SERINC1: variants seen among roughly 807,000 people sequenced by gnomAD.
SERINC1 encodes the protein serine incorporator 1, also known as tumor differentially expressed protein 2.
Under a neutral mutation model 52.9 loss-of-function variants are expected in SERINC1, and 38 were observed. The observed-to-expected ratio is 0.72, with a 90% CI of 0.55 to 0.94. SERINC1 has a LOEUF of 0.94. Ranked by LOEUF, SERINC1 falls within the 40% of genes least tolerant of loss-of-function variation. The pLI is 0.00. For synonymous variants in SERINC1, 198 were observed against 183.1 expected, an observed-to-expected ratio of 1.08 and a Z score of -0.66; for missense variants, 471 against 533.9, an observed-to-expected ratio of 0.88 and a Z score of 1.16.
Position 122,444,104 on chromosome 6 carries a change from C to G in SERINC1, c.*940G>C. On this transcript the variant is annotated 3_prime_UTR_variant, in exon 10 of 10. Coordinates refer to ENST00000339697, the MANE Select transcript of SERINC1 (RefSeq NM_020755.4). ...CTGCCTCCTGGGCTCAAGCAATCCT[C>G]CCACCTCAGCCTCCTCAGTAGCTGG... 6.6e-6 allele frequency: 1 copy of G among 152,650 alleles called. No individual in the cohort carries two copies. The highest frequency in any genetic ancestry group is 1.5e-5 in the Non-Finnish European group (1 of 68,358). The allele number at this position is 152,650 out of a possible 1,614,324, so 9.5% of individuals were successfully genotyped here.
intron 5 of SERINC1, 42 bp downstream of exon 5, chr6:122,453,728 A>G: frequency 6.6e-7 from 1 of 1,516,136 alleles, no homozygotes; most frequent in Non-Finnish European, 8.9e-7. Flanking sequence ...TCTCGACTTC[A>G]AAGTTCAACT....
At chr6:122,464,491 A>G (rs1775154611) in intron 1 of SERINC1, among the ~76,000 whole-genome samples, 1 of 152,190 alleles carries the variant, frequency 6.6e-6, no homozygotes, top group Non-Finnish European at 1.5e-5. Context: ...CTACTCAGGC[A>G]GAGGAAACAA....
At chr6:122,446,253 T>TA (rs968657712) in intron 9 of SERINC1, among the ~76,000 whole-genome samples, 29 of 148,498 alleles carry the variant, frequency 2.0e-4, no homozygotes, top group Middle Eastern at 3.4e-3. Context: ...TTGAAGTGAT[T>TA]AAAAAAAAAA....
Position 122,454,037 on chromosome 6 carries a change from C to A in SERINC1, c.451+114G>T, listed in dbSNP as rs181929234. The A allele has an allele frequency of 9.2e-4, 757 of 824,564 alleles. 3 individuals carry two copies. In the African/African-American group the frequency reaches 0.012, roughly 13 times the overall value. 51.1% of individuals were successfully genotyped at this position (824,564 alleles called of 1,614,324 possible). On this transcript the variant is annotated intron_variant, in intron 4 of 9. Transcript: ENST00000339697. Reference sequence around the variant, plus strand: ...ATCTTGATTTTGCCAACTGGGGAAACACACACACACACACCCCCAAACAAA... The same window carrying A: ...ATCTTGATTTTGCCAACTGGGGAAAAACACACACACACACCCCCAAACAAA...
intron 1 of SERINC1, among the ~76,000 whole-genome samples, chr6:122,465,561 G>A (rs9385246): frequency 0.14 from 20,922 of 152,094 alleles, 1,557 homozygotes; most frequent in East Asian, 0.26. Context: ...GTGTACCCTG[G>A]ATCTATCAAT....
chr6:122,447,040 A>G (rs994275314), intron 8 of SERINC1, 36 bp from the exon 9 acceptor site: 6 of 1,580,188 alleles, frequency 3.8e-6, no homozygotes, highest in African/African-American at 1.4e-5. Context: ...GAGAAAAAAA[A>G]GAACATTTTT....
At chr6:122,450,377 A>G (rs1774883962) in intron 7 of SERINC1, among the ~76,000 whole-genome samples, 2 of 152,232 alleles carry the variant, frequency 1.3e-5, no homozygotes, top group Non-Finnish European at 2.9e-5. Flanking sequence ...TTACTGCTAA[A>G]AGATCCTTTC....
chr6:122,469,634 G>A (rs1775241448), intron 1 of SERINC1, among the ~76,000 whole-genome samples: 1 of 152,108 alleles, frequency 6.6e-6, no homozygotes, highest in Admixed American at 6.5e-5. Context: ...TCAGCTCACT[G>A]CAACCTCCGT....
At position 122,460,190 on chromosome 6, in the gene SERINC1, A is replaced by G. The variant is rs370368442; in HGVS notation, c.40-1509T>C. Among the ~76,000 whole-genome samples the G allele has an allele frequency of 3.6e-3, 550 of 152,286 alleles. 4 individuals carry two copies. The highest frequency in any genetic ancestry group is 0.012 in the African/African-American group (507 of 41,550). On this transcript the variant is annotated intron_variant, in intron 1 of 9. Coordinates refer to ENST00000339697, the MANE Select transcript of SERINC1 (RefSeq NM_020755.4). ...CGGGTTCAAGGGATTTTCCTGCCTC[A>G]GCCTCCTGAGTAGCTGGGATTGCAG...
Position 122,456,557 on chromosome 6 carries a change from T to C in SERINC1, c.295A>G (p.Met99Val). 4.3e-6 allele frequency: 7 copies of C among 1,612,920 alleles called. No individual in the cohort carries two copies. Among genetic ancestry groups the C allele is most frequent in the African/African-American group, 1.3e-5 (1 of 74,966 alleles). ...AGTAAAGAGAGAAGAAGATAGAACA[T>C]AGCCAAACCAAAGCACAAACGATAT... ...AVYRLCFGLA[M>V]FYLLLSLLMI... Residue 99 changes from methionine (M) to valine (V), a missense_variant, in exon 3 of 10, where the codon ATG becomes GTG. Transcript: ENST00000339697.
intron 1 of SERINC1, among the ~76,000 whole-genome samples, chr6:122,466,429 C>T (rs1340137281): frequency 6.6e-6 from 1 of 152,108 alleles, no homozygotes; most frequent in African/African-American, 2.4e-5. Flanking sequence ...GTGATCCCCC[C>T]ACCTCAGCCT....
At chr6:122,464,703 T>C (rs1775157929) in intron 1 of SERINC1, among the ~76,000 whole-genome samples, 1 of 152,120 alleles carries the variant, frequency 6.6e-6, no homozygotes, top group African/African-American at 2.4e-5. Flanking sequence ...TTTTGAAAAA[T>C]CTACTGATGA....
intron 1 of SERINC1, among the ~76,000 whole-genome samples, chr6:122,465,768 C>T (rs752148103): frequency 1.3e-4 from 20 of 151,898 alleles, no homozygotes; most frequent in Non-Finnish European, 2.6e-4. Context: ...ATAGGAGAAA[C>T]TTGAAAAGAA....
At chr6:122,446,649 T>A in intron 9 of SERINC1, 125 bp downstream of exon 9, 16 of 643,354 alleles carry the variant, frequency 2.5e-5, no homozygotes, top group Non-Finnish European at 4.1e-5. Context: ...CACTATTCAT[T>A]TAGCTGTACA....
chr6:122,467,681 A>G (rs1775211512), intron 1 of SERINC1, among the ~76,000 whole-genome samples: 1 of 152,264 alleles, frequency 6.6e-6, no homozygotes, highest in Non-Finnish European at 1.5e-5. Flanking sequence ...ATTTAGTACA[A>G]GGCTGACCTA....
At chr6:122,456,406 T>C (rs1412797908) in intron 3 of SERINC1, 75 bp downstream of exon 3, 1 of 914,358 alleles carries the variant, frequency 1.1e-6, no homozygotes, top group African/African-American at 1.7e-5. Context: ...TACCTTAAAG[T>C]TTCCTTGGAT....
At chr6:122,454,111 T>C in intron 4 of SERINC1, 40 bp downstream of exon 4, 3 of 1,336,670 alleles carry the variant, frequency 2.2e-6, no homozygotes, top group East Asian at 2.4e-5. Context: ...GATTCCTTTA[T>C]AAAATATCAA....
At position 122,445,005 on chromosome 6, in the gene SERINC1, G is replaced by C; in HGVS notation, c.*39C>G. 1 of 1,591,850 alleles carries C rather than the reference G, an allele frequency of 6.3e-7. No homozygotes were observed. Among genetic ancestry groups the C allele is most frequent in the Non-Finnish European group, 8.6e-7 (1 of 1,167,868 alleles). On this transcript the variant is annotated 3_prime_UTR_variant, in exon 10 of 10. Coordinates refer to ENST00000339697, the MANE Select transcript of SERINC1 (RefSeq NM_020755.4). Reference sequence around the variant, plus strand: ...AGTTGGGAATACTGTTTTCAAATAAGCAATAATCAAAGTGGGACTTTCATG... The same window carrying C: ...AGTTGGGAATACTGTTTTCAAATAACCAATAATCAAAGTGGGACTTTCATG...
Position 122,461,425 on chromosome 6 carries a change from G to A in SERINC1, c.40-2744C>T, listed in dbSNP as rs377011406. On this transcript the variant is annotated intron_variant, in intron 1 of 9. Coordinates refer to ENST00000339697, the MANE Select transcript of SERINC1 (RefSeq NM_020755.4). ...AATATGTAAACATAGAATTTTGTAC[G>A]CATATTCTCACTGATAGGTGTGAAT... 3.1e-4 allele frequency among the ~76,000 whole-genome samples: 46 copies of A among 149,420 alleles called. No individual in the cohort carries two copies. In the Admixed American group the frequency reaches 3.1e-3, roughly 10 times the overall value.
Sources: gnomAD v4.1 joint callset for allele counts (sites outside exome capture counted in the v4.1 genomes callset) on GRCh38, gnomAD v4.1.1 for gene constraint, MANE v1.5 for transcripts, NCBI Gene and HGNC (gene_info 2026-07-23, HGNC 2026-07-21) for gene names.